Variants in RLIG1 observed in about 807,000 individuals in gnomAD.
RLIG1 encodes the protein RNA 5'-phosphate and 3'-OH ligase 1, also known as RNA ligase 1.
the RLIG1 span, chr12:88,041,582 T>C: frequency 6.6e-5 from 10 of 152,230 alleles, no homozygotes; most frequent in African/African-American, 2.4e-4. Context: ...CCAGCACTTA[T>C]TTTCTGCTTT....
the RLIG1 span, among the ~76,000 whole-genome samples, chr12:88,037,012 T>C: frequency 1.3e-5 from 2 of 152,184 alleles, no homozygotes; most frequent in African/African-American, 4.8e-5. Context: ...TAAGAACAGC[T>C]TACAGTATCG....
chr12:88,048,881 T>C, the RLIG1 span: 3 of 213,126 alleles, frequency 1.4e-5, no homozygotes, highest in Non-Finnish European at 2.7e-5. Flanking sequence ...TAAACTCCAA[T>C]TTTAAATCTT....
chr12:88,035,553 T>C, the RLIG1 span: 4 of 1,307,588 alleles, frequency 3.1e-6, no homozygotes, highest in South Asian at 3.8e-5. Context: ...GTGCGTGGCC[T>C]GAGCCGTGCG....
the RLIG1 span, among the ~76,000 whole-genome samples, chr12:88,040,811 A>G: frequency 6.6e-6 from 1 of 151,386 alleles, no homozygotes; most frequent in Non-Finnish European, 1.5e-5. Context: ...TTTTTTTGCA[A>G]TTATTTTTGG....
the RLIG1 span, chr12:88,044,877 A>G: frequency 6.6e-6 from 1 of 152,462 alleles, no homozygotes; most frequent in East Asian, 1.9e-4. Flanking sequence ...AAGTGGCTGT[A>G]AAAGTTGAGG....
chr12:88,048,867 T>C, the RLIG1 span: 908 of 201,856 alleles, frequency 4.5e-3, 4 homozygotes, highest in South Asian at 0.014. Context: ...TAAATAAGTA[T>C]ATATAAACTC....
chr12:88,048,106 A>AT, the RLIG1 span: 1 of 381,824 alleles, frequency 2.6e-6, no homozygotes. Flanking sequence ...GACCAGCTAT[A>AT]AAAAAAAAAA....
the RLIG1 span, chr12:88,045,732 A>G: frequency 6.2e-7 from 1 of 1,613,242 alleles, no homozygotes; most frequent in African/African-American, 1.3e-5. Context: ...GATCTCTTAG[A>G]ACAAACACTG....
chr12:88,049,202 A>G, the RLIG1 span: 1 of 1,593,422 alleles, frequency 6.3e-7, no homozygotes, highest in African/African-American at 1.4e-5. Flanking sequence ...TGGGGAAATT[A>G]ACAGGACTTT....
chr12:88,050,032 C>A, the RLIG1 span: 1 of 208,544 alleles, frequency 4.8e-6, no homozygotes, highest in East Asian at 1.5e-4. Context: ...GGAACTATAA[C>A]CTTAGGATTC....
chr12:88,041,639 A>T, the RLIG1 span: 1 of 152,158 alleles, frequency 6.6e-6, no homozygotes, highest in Non-Finnish European at 1.5e-5. Context: ...AGCCATTCTA[A>T]TGGATGTAAA....
chr12:88,046,937 A>G, the RLIG1 span: 1 of 1,612,444 alleles, frequency 6.2e-7, no homozygotes. Context: ...GTAAAATTGA[A>G]GGAATAGTGT....
chr12:88,048,396 C>T, the RLIG1 span: 4 of 1,506,222 alleles, frequency 2.7e-6, no homozygotes, highest in Admixed American at 1.8e-5. Context: ...ATTTGTTAGA[C>T]TCAAAGATAT....
chr12:88,036,015 A>G, the RLIG1 span: 1 of 1,486,238 alleles, frequency 6.7e-7, no homozygotes, highest in East Asian at 2.8e-5. Flanking sequence ...GATAACTCAC[A>G]TCCACAGCAT....
chr12:88,043,182 C>T, the RLIG1 span, among the ~76,000 whole-genome samples: 2 of 151,772 alleles, frequency 1.3e-5, no homozygotes, highest in African/African-American at 4.8e-5. Context: ...GTGTAAGAGA[C>T]AAATACGTAA....
At chr12:88,045,892 T>A in the RLIG1 span, 1 of 789,712 alleles carries the variant, frequency 1.3e-6, no homozygotes, top group South Asian at 1.8e-5. Flanking sequence ...CAAATTTGAG[T>A]TAGTTTCCTA....
the RLIG1 span, chr12:88,036,020 C>G: frequency 1.4e-6 from 2 of 1,478,630 alleles, no homozygotes; most frequent in East Asian, 2.8e-5. Flanking sequence ...CTCACATCCA[C>G]AGCATGTCCC....
At chr12:88,039,354 CAG>C in the RLIG1 span, among the ~76,000 whole-genome samples, 217 of 152,158 alleles carry the variant, frequency 1.4e-3, 1 homozygote, top group African/African-American at 4.4e-3. Flanking sequence ...GCTTATAAAA[CAG>C]GGGGAAAGTC....
the RLIG1 span, among the ~76,000 whole-genome samples, chr12:88,047,937 C>G: frequency 1.3e-5 from 2 of 152,092 alleles, no homozygotes; most frequent in African/African-American, 4.8e-5. Context: ...GCAACAGGCT[C>G]TATGATTCAT....
Sources: allele counts gnomAD v4.1 joint callset (sites outside exome capture counted in the v4.1 genomes callset), GRCh38; gene constraint gnomAD v4.1.1; transcripts MANE v1.5; gene names NCBI Gene and HGNC (gene_info 2026-07-23, HGNC 2026-07-21).